Variants in SLC45A2 observed in about 807,000 individuals in gnomAD.
SLC45A2 encodes membrane-associated transporter protein.
In SLC45A2, 36 loss-of-function variants were observed where a neutral mutation model predicts 45.5. That is an observed-to-expected ratio of 0.79 (90% CI 0.61 to 1.04). The LOEUF is 1.04. Ranked by LOEUF, SLC45A2 falls within the 50% of genes least tolerant of loss-of-function variation. The pLI is 0.00. For missense variants in SLC45A2, 719 were observed against 671.0 expected (o/e 1.07, Z -0.79); for synonymous variants, 306 against 269.3 (o/e 1.14, Z -1.33).
At chr5:33,983,636 G>T (rs1753145955) in intron 1 of SLC45A2, among the ~76,000 whole-genome samples, 2 of 152,160 alleles carry the variant, frequency 1.3e-5, no homozygotes, top group African/African-American at 4.8e-5. Context: ...CTGATTAATT[G>T]GTAGCTGATT....
intron 2 of SLC45A2, among the ~76,000 whole-genome samples, chr5:33,973,610 G>T (rs1040886730): frequency 1.2e-4 from 18 of 152,102 alleles, no homozygotes; most frequent in African/African-American, 4.3e-4. Flanking sequence ...AGCATTTGTT[G>T]CATGTTCGCA....
intron 2 of SLC45A2, chr5:33,971,553 C>T (rs1228175291): frequency 1.2e-5 from 3 of 242,950 alleles, no homozygotes; most frequent in African/African-American, 6.9e-5. Flanking sequence ...ATCCTTCCAC[C>T]TCAGCCTCCG....
rs571598551 is a variant in SLC45A2, at chr5:33,982,321, A to T, written c.477T>A (p.Ile159=). 6.2e-7 allele frequency: 1 copy of T among 1,614,206 alleles called. No homozygotes were observed. Among genetic ancestry groups the T allele is most frequent in the South Asian group, 1.1e-5 (1 of 91,082 alleles). The part of the protein sequence containing the change: ...VVLFDFAADF[I]DGPIKAYLFD... ...ATAAGTAGGCTTTGATGGGCCCATCAATGAAGTCGGCAGCAAAATCAAAGA... is the reference window on the plus strand; with the variant it reads ...ATAAGTAGGCTTTGATGGGCCCATCTATGAAGTCGGCAGCAAAATCAAAGA... Residue 159 remains isoleucine (I), a synonymous_variant, in exon 2 of 7, where the codon ATT becomes ATA. Transcript: ENST00000296589.
At chr5:33,958,924 A>C (rs553884215) in intron 3 of SLC45A2, among the ~76,000 whole-genome samples, 1 of 152,292 alleles carries the variant, frequency 6.6e-6, no homozygotes, top group African/African-American at 2.4e-5. Flanking sequence ...ATCGAAGGGG[A>C]CATCAAAGAG....
chr5:33,951,543 G>A lies in SLC45A2; in HGVS notation c.1156+11C>T. 1 of 1,614,066 alleles carries A rather than the reference G, an allele frequency of 6.2e-7. No homozygotes were observed. Among genetic ancestry groups the A allele is most frequent in the South Asian group, 1.1e-5 (1 of 91,078 alleles). ...TTTTAGAAGACATCCTTAGGAGAGA[G>A]AAAGACTTACAAGAATAAAGTGAGG... On this transcript the variant is annotated intron_variant, in intron 5 of 6. Coordinates refer to ENST00000296589, the MANE Select transcript of SLC45A2 (RefSeq NM_016180.5).
chr5:33,979,932 C>T (rs1753028403), intron 2 of SLC45A2, among the ~76,000 whole-genome samples: 1 of 152,082 alleles, frequency 6.6e-6, no homozygotes, highest in South Asian at 2.1e-4. Context: ...AGAGTTTTGT[C>T]TTTTAATGTC....
At chr5:33,959,538 G>A (rs1444723149) in intron 3 of SLC45A2, among the ~76,000 whole-genome samples, 2 of 152,014 alleles carry the variant, frequency 1.3e-5, no homozygotes, top group African/African-American at 4.8e-5. Context: ...TAAAATGAAG[G>A]CTTTATCCCA....
chr5:33,965,215 A>G (rs946112033), intron 2 of SLC45A2, among the ~76,000 whole-genome samples: 1 of 152,192 alleles, frequency 6.6e-6, no homozygotes, highest in Non-Finnish European at 1.5e-5. Context: ...TTCACAAGCT[A>G]GAGAATCAAG....
chr5:33,963,556 G>A (rs910004554), intron 3 of SLC45A2, 135 bp downstream of exon 3: 19 of 960,516 alleles, frequency 2.0e-5, no homozygotes, highest in East Asian at 2.4e-5. Flanking sequence ...TGATAGCTAC[G>A]GGGGATTTGG....
chr5:33,965,780 G>A (rs1752586904), intron 2 of SLC45A2, among the ~76,000 whole-genome samples: 1 of 152,142 alleles, frequency 6.6e-6, no homozygotes, highest in African/African-American at 2.4e-5. Context: ...CATGCGTCAA[G>A]CCAAGCAATC....
intron 1 of SLC45A2, 66 bp downstream of exon 1, chr5:33,984,133 C>T: frequency 1.2e-6 from 2 of 1,601,220 alleles, no homozygotes; most frequent in South Asian, 2.2e-5. Flanking sequence ...CATGAACATC[C>T]TCCTCCTGCA....
intron 2 of SLC45A2, among the ~76,000 whole-genome samples, chr5:33,973,832 G>GTATTAACTAAC (rs777226680): frequency 6.6e-6 from 1 of 151,850 alleles, no homozygotes; most frequent in Non-Finnish European, 1.5e-5. Flanking sequence ...AAATCCTTTA[G>GTATTAACTAAC]ATGGTTCATT....
intron 2 of SLC45A2, among the ~76,000 whole-genome samples, chr5:33,966,501 C>T (rs1378628534): frequency 7.3e-6 from 1 of 137,296 alleles, no homozygotes; most frequent in African/African-American, 2.8e-5. Context: ...ACTGCAGTGG[C>T]GCAATCTCGG....
chr5:33,977,144 A>C (rs191590057), intron 2 of SLC45A2, among the ~76,000 whole-genome samples: 27 of 152,360 alleles, frequency 1.8e-4, no homozygotes, highest in African/African-American at 6.3e-4. Flanking sequence ...AGGCCACATG[A>C]GGACACAGCA....
intron 6 of SLC45A2, among the ~76,000 whole-genome samples, chr5:33,945,381 G>A (rs1751887884): frequency 6.6e-6 from 1 of 152,186 alleles, no homozygotes; most frequent in African/African-American, 2.4e-5. Context: ...ATGTTGAATT[G>A]CTGATGTCCT....
At chr5:33,958,407 C>T (rs553822904) in intron 3 of SLC45A2, among the ~76,000 whole-genome samples, 2 of 152,298 alleles carry the variant, frequency 1.3e-5, no homozygotes, top group East Asian at 3.9e-4. Context: ...TAACTGGAGA[C>T]CTCCCAGGGC....
chr5:33,983,597 A>T (rs184031158), intron 1 of SLC45A2, among the ~76,000 whole-genome samples: 166 of 152,358 alleles, frequency 1.1e-3, no homozygotes, highest in African/African-American at 3.8e-3. Flanking sequence ...CCTTTTTGCA[A>T]TGCAACTTTA....
intron 3 of SLC45A2, among the ~76,000 whole-genome samples, chr5:33,959,446 C>T (rs1328448868): frequency 1.3e-5 from 2 of 152,128 alleles, no homozygotes; most frequent in African/African-American, 4.8e-5. Context: ...CTCCTCCAGG[C>T]AGCCTGGTGT....
intron 2 of SLC45A2, among the ~76,000 whole-genome samples, chr5:33,967,621 A>G (rs182360094): frequency 2.4e-4 from 37 of 152,302 alleles, no homozygotes; most frequent in Admixed American, 2.0e-3. Context: ...AGTGATTTGC[A>G]GTCCTGTAAA....
Sources: gnomAD v4.1 joint callset for allele counts (sites outside exome capture counted in the v4.1 genomes callset) on GRCh38, gnomAD v4.1.1 for gene constraint, MANE v1.5 for transcripts, NCBI Gene and HGNC (gene_info 2026-07-23, HGNC 2026-07-21) for gene names.